Variants in FAM169A observed in about 807,000 individuals in gnomAD.
FAM169A encodes the protein family with sequence similarity 169 member A.
FAM169A carries 24 observed loss-of-function variants against 75.7 expected under a neutral mutation model. The ratio of observed to expected loss-of-function variants is 0.32; its 90% CI spans 0.23 to 0.45. The LOEUF (loss-of-function observed/expected upper bound fraction) is 0.45, where lower values mean the gene tolerates loss of function less well. Among genes scored for constraint, FAM169A ranks in the 20% least tolerant of loss-of-function variants. The pLI is 1.00. For synonymous variants in FAM169A, 271 were observed against 271.0 expected (o/e 1.00, Z 0.00); for missense variants, 673 against 784.0 (o/e 0.86, Z 1.69).
intron 5 of FAM169A, among the ~76,000 whole-genome samples, chr5:74,825,717 T>A (rs893421040): frequency 1.3e-5 from 2 of 152,186 alleles, no homozygotes; most frequent in Admixed American, 1.3e-4. Context: ...ACCCTTGGTA[T>A]CTTAAAGGCA....
At position 74,795,088 on chromosome 5, in the gene FAM169A, T is replaced by A. The variant is rs532198617; in HGVS notation, c.1260+942A>T. On this transcript the variant is annotated intron_variant, in intron 11 of 12. Coordinates refer to ENST00000687041, the MANE Select transcript of FAM169A (RefSeq NM_001376049.1). ...GCCTGGCCAAAGTGGTGAAACCCCG[T>A]CTCTACTAAAAATACAAAAATTAGC... Among the ~76,000 whole-genome samples the A allele has an allele frequency of 1.8e-4, 27 of 151,914 alleles. No homozygotes were observed. In the Middle Eastern group the frequency reaches 0.021, roughly 116 times the overall value.
In FAM169A at chr5:74,781,725, G is replaced by T. The variant is rs756205252; in HGVS notation, c.1748C>A (p.Ser583Tyr). 3.1e-6 allele frequency: 5 copies of T among 1,614,158 alleles called. No individual in the cohort carries two copies. The East Asian group carries it at 1.1e-4, about 36-fold the overall frequency. ...EEGVSEPQET[S>Y]TALPQSSLIE... is the part of the protein sequence containing the mutation. ...CAAAGAACTCTGAGGAAGAGCAGTA[G>T]ATGTTTCCTGGGGCTCAGATACCCC... Residue 583 changes from serine to tyrosine, a missense_variant, in exon 13 of 13, where the codon TCT becomes TAT. Physicochemically the swap from Ser to Tyr is moderately radical, Grantham distance 144. Coordinates refer to ENST00000687041, the MANE Select transcript of FAM169A (RefSeq NM_001376049.1).
At chr5:74,826,200 A>T (rs1748016832) in intron 5 of FAM169A, among the ~76,000 whole-genome samples, 2 of 152,154 alleles carry the variant, frequency 1.3e-5, no homozygotes, top group African/African-American at 4.8e-5. Context: ...GCAATGACTA[A>T]CTTTTCCAAA....
At chr5:74,783,430 C>T (rs1745512248) in intron 11 of FAM169A, among the ~76,000 whole-genome samples, 1 of 152,144 alleles carries the variant, frequency 6.6e-6, no homozygotes, top group Admixed American at 6.5e-5. Context: ...ATGAAAAGAC[C>T]CTACCCACTT....
chr5:74,865,872 G>A (rs544044849), intron 1 of FAM169A: 144 of 152,446 alleles, frequency 9.4e-4, no homozygotes, highest in Non-Finnish European at 8.7e-4. Flanking sequence ...GGAGGCGAGC[G>A]AAGACGGGCA....
At chr5:74,818,270 G>A (rs184113337) in intron 5 of FAM169A, among the ~76,000 whole-genome samples, 6 of 152,178 alleles carry the variant, frequency 3.9e-5, no homozygotes, top group Non-Finnish European at 8.8e-5. Flanking sequence ...CAAGGGTCTT[G>A]TATCTAACAC....
At chr5:74,828,145 A>G (rs544173289) in intron 5 of FAM169A, among the ~76,000 whole-genome samples, 4 of 152,338 alleles carry the variant, frequency 2.6e-5, no homozygotes, top group Admixed American at 6.5e-5. Flanking sequence ...AAGTGTCCTT[A>G]GTTATGTGCC....
intron 11 of FAM169A, among the ~76,000 whole-genome samples, chr5:74,788,746 A>G (rs947752351): frequency 3.3e-5 from 5 of 152,120 alleles, no homozygotes; most frequent in Admixed American, 1.3e-4. Context: ...ATCAAACACA[A>G]TATCGCATCC....
At chr5:74,798,872 G>T in intron 10 of FAM169A, 2 of 521,930 alleles carry the variant, frequency 3.8e-6, no homozygotes, top group South Asian at 1.9e-5. Flanking sequence ...AAAATTGAGG[G>T]TATTTTAAAA....
chr5:74,858,846 T>C (rs1006408347), intron 1 of FAM169A, among the ~76,000 whole-genome samples: 2 of 152,176 alleles, frequency 1.3e-5, no homozygotes, highest in African/African-American at 4.8e-5. Flanking sequence ...ATATCTAAAA[T>C]TAGAAGACAG....
At chr5:74,838,911 A>G (rs554191358) in intron 4 of FAM169A, 54 bp downstream of exon 4, 10 of 1,213,024 alleles carry the variant, frequency 8.2e-6, no homozygotes, top group African/African-American at 1.5e-5. Flanking sequence ...TGTTTACAGG[A>G]AACACTGTGA....
In FAM169A at chr5:74,805,175, T is replaced by C. The variant is rs770981491; in HGVS notation, c.780A>G (p.Arg260=). The change falls in exon 7 of 13, where the codon AGA becomes AGG. Residue 260 remains arginine, a synonymous_variant. Transcript: ENST00000687041. The part of the protein sequence containing the change: ...QRIPVTRALQ[R]EALKILALSQ... The stretch of plus-strand genomic sequence containing the variant: ...TCTTACCTAGAATTTTAAGTGCTTC[T>C]CTTTGTAATGCTCTGGTGACTGGTA... 6.2e-7 allele frequency: 1 copy of C among 1,613,920 alleles called. No individual in the cohort carries two copies. Among genetic ancestry groups the C allele is most frequent in the South Asian group, 1.1e-5 (1 of 91,060 alleles).
intron 5 of FAM169A, among the ~76,000 whole-genome samples, chr5:74,833,827 T>TG (rs1748439640): frequency 6.6e-6 from 1 of 152,188 alleles, no homozygotes. Flanking sequence ...GCTGAATGAA[T>TG]GGGAGTACAG....
chr5:74,830,329 C>T (rs1748250895), intron 5 of FAM169A, among the ~76,000 whole-genome samples: 2 of 152,246 alleles, frequency 1.3e-5, no homozygotes, highest in Non-Finnish European at 2.9e-5. Flanking sequence ...CAATAAATAC[C>T]TTTTATTACT....
intron 11 of FAM169A, among the ~76,000 whole-genome samples, chr5:74,793,486 T>C (rs1326749917): frequency 1.3e-5 from 2 of 152,108 alleles, no homozygotes; most frequent in Non-Finnish European, 2.9e-5. Flanking sequence ...ATGTTCTCAC[T>C]CATAAGTGGG....
rs1748295990 is a variant in FAM169A, at chr5:74,831,274, TTGATAC to T, written c.490+3146_490+3151del. Among the ~76,000 whole-genome samples the T allele has an allele frequency of 2.6e-5, 4 of 152,200 alleles. 1 individual carries two copies. In the South Asian group the frequency reaches 8.3e-4, roughly 31 times the overall value. On this transcript the variant is annotated intron_variant, in intron 5 of 12. Coordinates refer to ENST00000687041, the MANE Select transcript of FAM169A (RefSeq NM_001376049.1). The stretch of plus-strand genomic sequence containing the variant: ...TACTATAACAAAACCCAAAATCTCT[TTGATAC>T]TAATGCTTGATTTTGTCTTACGATA...
chr5:74,790,559 C>T (rs973289616), intron 11 of FAM169A, among the ~76,000 whole-genome samples: 29 of 152,136 alleles, frequency 1.9e-4, no homozygotes, highest in Non-Finnish European at 1.8e-4. Flanking sequence ...GAGTACTCTA[C>T]CAAAGGGTGA....
rs757687439 is a variant in FAM169A at position 74,781,702 on chromosome 5, A to G, written c.1771T>C (p.Leu591=). Residue 591 remains leucine, a synonymous_variant, in exon 13 of 13, where the codon TTG becomes CTG. Coordinates refer to ENST00000687041, the MANE Select transcript of FAM169A (RefSeq NM_001376049.1). ...ACGTCTTCAAGTTCAACCTCTATCA[A>G]AGAACTCTGAGGAAGAGCAGTAGAT... ...ETSTALPQSS[L]IEVELEDVPF... 10 of 1,613,986 alleles carry G rather than the reference A, an allele frequency of 6.2e-6. No individual in the cohort carries two copies. The highest frequency in any genetic ancestry group is 1.7e-5 in the Admixed American group (1 of 59,998).
At chr5:74,842,265 A>G (rs1340808509) in intron 1 of FAM169A, among the ~76,000 whole-genome samples, 3 of 151,692 alleles carry the variant, frequency 2.0e-5, no homozygotes, top group African/African-American at 7.3e-5. Flanking sequence ...TACTAAAAAT[A>G]CAAAAATTAG....
Sources: gnomAD v4.1 joint callset for allele counts (sites outside exome capture counted in the v4.1 genomes callset) on GRCh38, gnomAD v4.1.1 for gene constraint, MANE v1.5 for transcripts, NCBI Gene and HGNC (gene_info 2026-07-23, HGNC 2026-07-21) for gene names.